Variants in OR8B3 observed in about 807,000 individuals in gnomAD.
OR8B3 encodes olfactory receptor 8B3.
For synonymous variants in OR8B3, 102 were observed against 135.4 expected, an observed-to-expected ratio of 0.75 and a Z score of 1.71; for missense variants, 278 against 377.6, an observed-to-expected ratio of 0.74 and a Z score of 2.19.
At chr11:124,400,123 A>G (rs1038491516), upstream of OR8B3, among the ~76,000 whole-genome samples, 1 of 152,142 alleles carries the variant, frequency 6.6e-6, no homozygotes, top group Non-Finnish European at 1.5e-5. Flanking sequence ...GGCCTCCCAA[A>G]GTGGTGGGAC....
At chr11:124,397,486 G>C (rs1486210997) in intron 1 of OR8B3, 118 bp from the exon 2 acceptor site, 1 of 508,538 alleles carries the variant, frequency 2.0e-6, no homozygotes, top group Non-Finnish European at 3.5e-6. Flanking sequence ...CATGGGATCT[G>C]AATGTTCTGA....
the OR8B3 span, among the ~76,000 whole-genome samples, chr11:124,407,367 T>G: frequency 6.6e-6 from 1 of 152,144 alleles, no homozygotes; most frequent in South Asian, 2.1e-4. Context: ...TTAGAATAGT[T>G]TTAGATTTAT....
In OR8B3 at chr11:124,396,850, A is replaced by G; in HGVS notation, c.502T>C (p.Phe168Leu). Residue 168 changes from phenylalanine to leucine, a missense_variant, in exon 2 of 2, where the codon TTC becomes CTC. By Grantham distance (22) the Phe-to-Leu change is conservative (BLOSUM62 0). Transcript: ENST00000641139. ...AHTGCMLRLTFCSANIINHYL... is the reference protein window; with the variant it reads ...AHTGCMLRLTLCSANIINHYL... ...TGGTTGATGATATTAGCACTGCAGA[A>G]GGTGAGTCTAAGCATGCACCCGGTG... 1 of 1,610,242 alleles carries G rather than the reference A, an allele frequency of 6.2e-7. No individual in the cohort carries two copies. The highest frequency in any genetic ancestry group is 8.5e-7 in the Non-Finnish European group (1 of 1,177,634).
At chr11:124,403,690 T>A (rs1861036347), upstream of OR8B3, among the ~76,000 whole-genome samples, 3 of 152,116 alleles carry the variant, frequency 2.0e-5, no homozygotes, top group Admixed American at 2.0e-4. Context: ...GCAGAGACGC[T>A]CTTCACTTCC....
At chr11:124,406,793 C>CCACA in the OR8B3 span, among the ~76,000 whole-genome samples, 1,841 of 145,190 alleles carry the variant, frequency 0.013, 19 homozygotes, top group African/African-American at 0.028. Flanking sequence ...CTCCTTCTCA[C>CCACA]CACACACACA....
At chr11:124,403,075 T>TCTTGCACC (rs2134213888), upstream of OR8B3, among the ~76,000 whole-genome samples, 1 of 152,298 alleles carries the variant, frequency 6.6e-6, no homozygotes, top group East Asian at 1.9e-4. Flanking sequence ...ACAAAGCACA[T>TCTTGCACC]CTTGCACCGC....
At chr11:124,405,919 G>A in the OR8B3 span, among the ~76,000 whole-genome samples, 1 of 152,146 alleles carries the variant, frequency 6.6e-6, no homozygotes, top group Non-Finnish European at 1.5e-5. Context: ...ATAATTTCAT[G>A]TCGGGAAATC....
the OR8B3 span, among the ~76,000 whole-genome samples, chr11:124,408,336 T>C: frequency 0.12 from 17,733 of 152,262 alleles, 1,077 homozygotes; most frequent in Middle Eastern, 0.15. Flanking sequence ...ATAATCTTAG[T>C]TTGTTTCCAG....
chr11:124,407,025 CTA>C, the OR8B3 span, among the ~76,000 whole-genome samples: 2 of 152,024 alleles, frequency 1.3e-5, no homozygotes, highest in Non-Finnish European at 2.9e-5. Context: ...CTTTGATAGT[CTA>C]TGATTTCCTT....
rs182759167 is a variant in OR8B3, at chr11:124,397,795, C to A, written c.-17-427G>T. 7.5e-3 allele frequency among the ~76,000 whole-genome samples: 1,140 copies of A among 151,872 alleles called. 6 individuals carry two copies. The highest frequency in any genetic ancestry group is 0.011 in the Non-Finnish European group (756 of 67,962). On this transcript the variant is annotated intron_variant, in intron 1 of 1. Transcript: ENST00000641139. The stretch of plus-strand genomic sequence containing the variant: ...CACTGCAACCTCTGCCTCCCGGGTT[C>A]AAGAGATTCTCCTGTCCAGCCTCCC...
At position 124,398,953 on chromosome 11, in the gene OR8B3, T is replaced by A. The variant is rs1011781505; in HGVS notation, c.-281A>T. On this transcript the variant is annotated 5_prime_UTR_variant, in exon 1 of 2. It removes an upstream start codon present in the reference 5' UTR. Coordinates refer to ENST00000641139, the MANE Select transcript of OR8B3 (RefSeq NM_001005467.2). Reference sequence around the variant, plus strand: ...ACTGCACTTCAAACCAGAGCTACCATGTCATAGAGCACATGGCATTTGCTC... The same window carrying A: ...ACTGCACTTCAAACCAGAGCTACCAAGTCATAGAGCACATGGCATTTGCTC... 111 of 152,186 alleles carry A rather than the reference T, an allele frequency of 7.3e-4. No individual in the cohort carries two copies. Among genetic ancestry groups the A allele is most frequent in the African/African-American group, 2.3e-3 (97 of 41,448 alleles). The allele number at this position is 152,186 out of a possible 1,614,324, so 9.4% of individuals were successfully genotyped here.
upstream of OR8B3, among the ~76,000 whole-genome samples, chr11:124,402,653 C>T (rs1395307621): frequency 2.0e-5 from 3 of 152,114 alleles, no homozygotes; most frequent in East Asian, 5.8e-4. Flanking sequence ...AAGATGTGCT[C>T]TTGAGCAAAA....
chr11:124,402,700 T>C (rs1861014895), upstream of OR8B3, among the ~76,000 whole-genome samples: 1 of 152,238 alleles, frequency 6.6e-6, no homozygotes, highest in Non-Finnish European at 1.5e-5. Flanking sequence ...TAATCAGGCA[T>C]CTTAATGGAT....
chr11:124,396,509 C>T lies in OR8B3; in HGVS notation c.843G>A (p.Val281=), dbSNP rs777123449. ...KVSSVFYTNV[V]PMLNPLIYSL... The stretch of plus-strand genomic sequence containing the variant: ...TGTAGATGAGAGGATTGAGCATGGG[C>T]ACCACATTAGTGTAGAAAACAGAAG... Residue 281 remains valine, a synonymous_variant, in exon 2 of 2, where the codon GTG becomes GTA. Transcript: ENST00000641139. The T allele has an allele frequency of 8.1e-6, 13 of 1,613,934 alleles. No homozygotes were observed. Among genetic ancestry groups the T allele is most frequent in the Non-Finnish European group, 1.1e-5 (13 of 1,180,024 alleles).
the OR8B3 span, among the ~76,000 whole-genome samples, chr11:124,405,573 G>T: frequency 6.6e-6 from 1 of 152,172 alleles, no homozygotes; most frequent in Admixed American, 6.5e-5. Flanking sequence ...GATGCAGCAG[G>T]CAAGAGCCAT....
chr11:124,408,375 C>T, the OR8B3 span, among the ~76,000 whole-genome samples: 2 of 152,136 alleles, frequency 1.3e-5, no homozygotes, highest in Non-Finnish European at 2.9e-5. Context: ...CAGTCTTCAA[C>T]CATTAACTAT....
the OR8B3 span, among the ~76,000 whole-genome samples, chr11:124,406,414 T>C: frequency 1.5e-4 from 23 of 152,278 alleles, 1 homozygote; most frequent in African/African-American, 5.5e-4. Flanking sequence ...CCTATATATA[T>C]AAAACGTGAA....
upstream of OR8B3, among the ~76,000 whole-genome samples, chr11:124,400,516 T>G (rs1051737307): frequency 2.0e-5 from 3 of 151,832 alleles, no homozygotes; most frequent in Middle Eastern, 3.4e-3. Flanking sequence ...AACCATTTTG[T>G]TTTTTTTCTT....
At chr11:124,409,703 A>T in the OR8B3 span, among the ~76,000 whole-genome samples, 87 of 152,328 alleles carry the variant, frequency 5.7e-4, 2 homozygotes, top group African/African-American at 2.0e-3. Context: ...ATATCAGCTC[A>T]GGAGAGGAGT....
Sources: allele counts gnomAD v4.1 joint callset (sites outside exome capture counted in the v4.1 genomes callset), GRCh38; gene constraint gnomAD v4.1.1; transcripts MANE v1.5; gene names NCBI Gene and HGNC (gene_info 2026-07-23, HGNC 2026-07-21).